The following ZMYND8 variants were observed in gnomAD, a reference collection of about 807,000 sequenced individuals.
ZMYND8 encodes MYND-type zinc finger-containing chromatin reader ZMYND8.
In ZMYND8, 37 loss-of-function variants were observed where a neutral mutation model predicts 140.8. That is an observed-to-expected ratio of 0.26 (90% CI 0.20 to 0.35). The LOEUF (loss-of-function observed/expected upper bound fraction) is 0.35. Among genes scored for constraint, ZMYND8 ranks in the 10% least tolerant of loss-of-function variants. The pLI is 1.00. For missense variants in ZMYND8, 1,068 were observed against 1,570.0 expected, an observed-to-expected ratio of 0.68 and a Z score of 5.40; for synonymous variants, 592 against 597.1, an observed-to-expected ratio of 0.99 and a Z score of 0.12.
rs139512937 is a variant in ZMYND8 at position 47,305,761 on chromosome 20, T to C, written c.234+4295A>G. ...CTAAGGCCATTCTGTACAAATCTGC[T>C]GGCACGTTATTTCTCAATCCTTTAA... On this transcript the variant is annotated intron_variant, in intron 3 of 22. Transcript: ENST00000471951. Among the ~76,000 whole-genome samples the C allele has an allele frequency of 1.2e-3, 189 of 152,284 alleles. 1 individual carries two copies. Among genetic ancestry groups the C allele is most frequent in the African/African-American group, 4.4e-3 (183 of 41,554 alleles).
At chr20:47,336,502 C>G (rs2148495090) in intron 2 of ZMYND8, among the ~76,000 whole-genome samples, 1 of 152,186 alleles carries the variant, frequency 6.6e-6, no homozygotes, top group East Asian at 1.9e-4. Context: ...ACGCAAGCAG[C>G]CCAAACAGGG....
chr20:47,257,294 C>T (rs1569014232), intron 12 of ZMYND8, among the ~76,000 whole-genome samples: 1 of 151,982 alleles, frequency 6.6e-6, no homozygotes, highest in African/African-American at 2.4e-5. Flanking sequence ...TACTCATATA[C>T]CACATATACA....
At chr20:47,267,347 G>A (rs931891201) in intron 11 of ZMYND8, among the ~76,000 whole-genome samples, 1 of 152,116 alleles carries the variant, frequency 6.6e-6, no homozygotes, top group Non-Finnish European at 1.5e-5. Flanking sequence ...AGACAGAGGT[G>A]GTGGCTGCAC....
chr20:47,333,745 AAAAAAAAAAAAC>A (rs2081163637), intron 2 of ZMYND8, among the ~76,000 whole-genome samples: 5 of 143,356 alleles, frequency 3.5e-5, no homozygotes, highest in Non-Finnish European at 7.5e-5. Flanking sequence ...AAAAAAAAAA[AAAAAAAAAAAAC>A]ATTAGCTGGG....
chr20:47,238,383 T>A, intron 15 of ZMYND8: 1 of 319,316 alleles, frequency 3.1e-6, no homozygotes, highest in Non-Finnish European at 6.0e-6. Context: ...GATATGTATA[T>A]ATACATATAC....
chr20:47,219,055 A>ATTTTTT lies in ZMYND8; in HGVS notation c.3484+1197_3484+1202dup, dbSNP rs3092175. On this transcript the variant is annotated intron_variant, in intron 21 of 22. Coordinates refer to ENST00000471951, the MANE Select transcript of ZMYND8 (RefSeq NM_001281775.3). The stretch of plus-strand genomic sequence containing the variant: ...AACATGGCAAAACCCCGTTTCTACA[A>ATTTTTT]TTTTTTTTTTTTTTTTTTTTGAGAG... Among the ~76,000 whole-genome samples the ATTTTTT allele has an allele frequency of 2.2e-3, 248 of 110,914 alleles. 3 individuals are homozygous for ATTTTTT. Among genetic ancestry groups the ATTTTTT allele is most frequent in the African/African-American group, 7.2e-3 (215 of 29,890 alleles). 72.8% of individuals were successfully genotyped at this position (110,914 alleles called of 152,430 possible).
chr20:47,336,613 G>A (rs1028623163), intron 2 of ZMYND8, among the ~76,000 whole-genome samples: 2 of 152,222 alleles, frequency 1.3e-5, no homozygotes, highest in African/African-American at 4.8e-5. Context: ...CACGCATGGT[G>A]AGGCCAAATT....
chr20:47,302,014 T>C (rs11906905), intron 3 of ZMYND8, among the ~76,000 whole-genome samples: 2,157 of 151,466 alleles, frequency 0.014, 51 homozygotes, highest in South Asian at 0.046. Context: ...GAAGGACGTG[T>C]TTGCTTCCCC....
intron 5 of ZMYND8, among the ~76,000 whole-genome samples, chr20:47,293,110 A>G (rs891353421): frequency 1.8e-5 from 1 of 55,332 alleles, no homozygotes; most frequent in African/African-American, 1.1e-4. Context: ...GGACGAGGAA[A>G]GAAGGAAGGA....
chr20:47,225,596 A>AG (rs1278247657), intron 18 of ZMYND8, among the ~76,000 whole-genome samples: 196 of 4,752 alleles, frequency 0.041, 6 homozygotes, highest in African/African-American at 0.075. Flanking sequence ...AGGAAGGGGA[A>AG]GGAGGGGATG....
chr20:47,253,256 G>A (rs1240089198), intron 12 of ZMYND8, among the ~76,000 whole-genome samples: 2 of 152,208 alleles, frequency 1.3e-5, no homozygotes, highest in African/African-American at 4.8e-5. Flanking sequence ...TTGCCAGGAG[G>A]TCGAGCGCAG....
intron 12 of ZMYND8, among the ~76,000 whole-genome samples, chr20:47,254,911 G>A (rs1236282952): frequency 6.6e-6 from 1 of 152,078 alleles, no homozygotes; most frequent in South Asian, 2.1e-4. Context: ...CAGATCACTC[G>A]AGGTCAGGAG....
At chr20:47,266,275 G>C (rs1044177123) in intron 11 of ZMYND8, among the ~76,000 whole-genome samples, 2 of 142,682 alleles carry the variant, frequency 1.4e-5, no homozygotes, top group Admixed American at 6.9e-5. Flanking sequence ...TTTTGTTTTT[G>C]GGGGGGAGGG....
chr20:47,230,250 C>T (rs1332942270), intron 16 of ZMYND8, among the ~76,000 whole-genome samples: 2 of 151,790 alleles, frequency 1.3e-5, no homozygotes, highest in South Asian at 4.2e-4. Flanking sequence ...TGGCTGAAAC[C>T]GGAGAGGCCA....
intron 18 of ZMYND8, among the ~76,000 whole-genome samples, chr20:47,226,849 A>G (rs1163068828): frequency 6.6e-6 from 1 of 151,280 alleles, no homozygotes; most frequent in Non-Finnish European, 1.5e-5. Flanking sequence ...TTGTGTAGAG[A>G]TAGGGTTTCG....
intron 3 of ZMYND8, 94 bp from the exon 4 acceptor site, chr20:47,299,041 A>C: frequency 8.4e-7 from 1 of 1,193,148 alleles, no homozygotes; most frequent in Non-Finnish European, 1.2e-6. Flanking sequence ...ACAAAAGAAA[A>C]TAACAGCATT....
At chr20:47,345,800 C>T (rs907661806) in intron 2 of ZMYND8, among the ~76,000 whole-genome samples, 58 of 147,732 alleles carry the variant, frequency 3.9e-4, no homozygotes, top group African/African-American at 1.4e-3. Flanking sequence ...TGAGCCAACG[C>T]ACTCTGTCCA....
intron 18 of ZMYND8, among the ~76,000 whole-genome samples, chr20:47,225,567 GGGAGGGGAAGGGAGGGGAAGGAAGGGGAA>G (rs2037567323): frequency 0.014 from 43 of 3,054 alleles, no homozygotes; most frequent in Non-Finnish European, 0.021. Context: ...GGGAGGGGAA[GGGAGGGGAAGGGAGGGGAAGGAAGGGGAA>G]GGAGGGGATG....
rs996136649 is a variant in ZMYND8, at chr20:47,209,902, C to T, written c.*859G>A. Reference sequence around the variant, plus strand: ...GAGTCCTTGCTTCCAAGAAGCACAGCATCTCTGACCAAGTGTGTGTGAGTG... The same window carrying T: ...GAGTCCTTGCTTCCAAGAAGCACAGTATCTCTGACCAAGTGTGTGTGAGTG... On this transcript the variant is annotated 3_prime_UTR_variant, in exon 23 of 23. Transcript: ENST00000471951. 6.6e-6 allele frequency: 1 copy of T among 152,664 alleles called. No individual in the cohort carries two copies. The highest frequency in any genetic ancestry group is 1.5e-5 in the Non-Finnish European group (1 of 68,038). The allele number at this position is 152,664 out of a possible 1,614,324, so 9.5% of individuals were successfully genotyped here.
Sources: allele counts gnomAD v4.1 joint callset (sites outside exome capture counted in the v4.1 genomes callset), GRCh38; gene constraint gnomAD v4.1.1; transcripts MANE v1.5; gene names NCBI Gene and HGNC (gene_info 2026-07-23, HGNC 2026-07-21).